Variants in SGMS1 observed in about 807,000 individuals in gnomAD.
The protein encoded by SGMS1 is phosphatidylcholine:ceramide cholinephosphotransferase 1.
Under a neutral mutation model 46.2 loss-of-function variants are expected in SGMS1, and 13 were observed. The ratio of observed to expected loss-of-function variants is 0.28; its 90% CI spans 0.18 to 0.45. The LOEUF is 0.45. Ranked by LOEUF, SGMS1 falls within the 20% of genes least tolerant of loss-of-function variation. The pLI, the probability that SGMS1 is intolerant of heterozygous loss-of-function variation, is 1.00. For synonymous variants in SGMS1, 203 were observed against 187.8 expected, an observed-to-expected ratio of 1.08 and a Z score of -0.66; for missense variants, 324 against 519.9, an observed-to-expected ratio of 0.62 and a Z score of 3.66.
chr10:50,430,809 A>G (rs571272539), intron 6 of SGMS1, among the ~76,000 whole-genome samples: 3 of 152,212 alleles, frequency 2.0e-5, no homozygotes, highest in South Asian at 4.1e-4. Flanking sequence ...TTGATTATCA[A>G]TTCCTAAAGT....
chr10:50,373,561 T>G (rs1439548785), intron 6 of SGMS1, among the ~76,000 whole-genome samples: 1 of 152,148 alleles, frequency 6.6e-6, no homozygotes, highest in Admixed American at 6.5e-5. Flanking sequence ...AACTGTAAGA[T>G]CAAACAATTT....
intron 3 of SGMS1, among the ~76,000 whole-genome samples, chr10:50,499,058 A>T (rs1021786484): frequency 1.3e-5 from 2 of 152,192 alleles, no homozygotes; most frequent in Non-Finnish European, 2.9e-5. Flanking sequence ...AATAGAATTA[A>T]ACTTTTGTCC....
At chr10:50,363,916 AAAAC>A (rs1367311371) in intron 6 of SGMS1, among the ~76,000 whole-genome samples, 2 of 152,138 alleles carry the variant, frequency 1.3e-5, no homozygotes, top group Admixed American at 6.5e-5. Context: ...ATGAAGATAA[AAAAC>A]AAACAAACTA....
intron 2 of SGMS1, among the ~76,000 whole-genome samples, chr10:50,558,444 C>A (rs1244768709): frequency 6.6e-6 from 1 of 152,134 alleles, no homozygotes; most frequent in African/African-American, 2.4e-5. Context: ...AAATTTCATG[C>A]CTGAAATATC....
chr10:50,476,197 T>C (rs1837425917), intron 3 of SGMS1, among the ~76,000 whole-genome samples: 1 of 142,622 alleles, frequency 7.0e-6, no homozygotes, highest in Non-Finnish European at 1.5e-5. Flanking sequence ...TCATTTGAAC[T>C]CAGGAGGCAT....
chr10:50,417,215 T>C (rs892313143), intron 6 of SGMS1, among the ~76,000 whole-genome samples: 5 of 152,150 alleles, frequency 3.3e-5, no homozygotes, highest in African/African-American at 1.2e-4. Flanking sequence ...AATAAGTTAC[T>C]TGGCATCATA....
At chr10:50,457,386 G>A (rs1186129667) in intron 5 of SGMS1, among the ~76,000 whole-genome samples, 1 of 151,030 alleles carries the variant, frequency 6.6e-6, no homozygotes, top group African/African-American at 2.4e-5. Flanking sequence ...TTTCCTTTTT[G>A]TTCTTACTTA....
At chr10:50,507,033 A>G (rs1172051497) in intron 3 of SGMS1, among the ~76,000 whole-genome samples, 1 of 152,194 alleles carries the variant, frequency 6.6e-6, no homozygotes, top group Admixed American at 6.5e-5. Flanking sequence ...GGAAACACAC[A>G]GCTGCTCTAG....
chr10:50,474,511 T>C (rs56040538), intron 3 of SGMS1, among the ~76,000 whole-genome samples: 3,609 of 152,256 alleles, frequency 0.024, 151 homozygotes, highest in African/African-American at 0.083. Flanking sequence ...GTGGAAAACA[T>C]TCTTCATTAC....
chr10:50,500,001 T>C (rs1162323023), intron 3 of SGMS1, among the ~76,000 whole-genome samples: 1 of 152,194 alleles, frequency 6.6e-6, no homozygotes, highest in Admixed American at 6.5e-5. Flanking sequence ...ATCCCGTCTC[T>C]ACTGAAAAAT....
rs762479337 is a variant in SGMS1, at chr10:50,360,366, T to TATCC, written c.-231-16025_-231-16022dup. On this transcript the variant is annotated intron_variant, in intron 6 of 10. Transcript: ENST00000361781. ...GTTCTATTATCTAGATTTCCTTCAATATCCATCCATCCAGGCTGCTGCAAA... is the reference window on the plus strand; with the variant it reads ...GTTCTATTATCTAGATTTCCTTCAATATCCATCCATCCATCCAGGCTGCTGCAAA... Among the ~76,000 whole-genome samples the TATCC allele has an allele frequency of 1.4e-4, 21 of 152,330 alleles. No homozygotes were observed. The East Asian group carries it at 3.1e-3, about 22-fold the overall frequency.
intron 1 of SGMS1, among the ~76,000 whole-genome samples, chr10:50,593,801 C>T (rs552455179): frequency 2.0e-5 from 3 of 152,300 alleles, no homozygotes; most frequent in East Asian, 3.9e-4. Context: ...TTTGTCACCA[C>T]GATACAGTTC....
At chr10:50,545,128 T>A (rs1000316713) in intron 2 of SGMS1, among the ~76,000 whole-genome samples, 1 of 152,080 alleles carries the variant, frequency 6.6e-6, no homozygotes, top group Admixed American at 6.6e-5. Context: ...ACAGAGAACA[T>A]CAGTAACCTA....
At chr10:50,454,138 G>A (rs1166178944) in intron 5 of SGMS1, among the ~76,000 whole-genome samples, 1 of 151,164 alleles carries the variant, frequency 6.6e-6, no homozygotes, top group African/African-American at 2.4e-5. Flanking sequence ...GGGGAATAGA[G>A]AGTCTGGGTA....
chr10:50,551,964 A>AT (rs752275844), intron 2 of SGMS1, among the ~76,000 whole-genome samples: 9 of 152,160 alleles, frequency 5.9e-5, no homozygotes, highest in Non-Finnish European at 1.3e-4. Flanking sequence ...AAAAGCTCAG[A>AT]TTTTTTAAGC....
At chr10:50,611,026 G>C (rs1838744867) in intron 1 of SGMS1, among the ~76,000 whole-genome samples, 1 of 152,158 alleles carries the variant, frequency 6.6e-6, no homozygotes, top group Non-Finnish European at 1.5e-5. Flanking sequence ...GAATAATAGG[G>C]ACAGGCTCTG....
intron 9 of SGMS1, among the ~76,000 whole-genome samples, chr10:50,308,741 A>G (rs1847212364): frequency 6.6e-6 from 1 of 152,154 alleles, no homozygotes; most frequent in East Asian, 1.9e-4. Flanking sequence ...CTGTATCCCC[A>G]TTTGGGAAAT....
At chr10:50,442,460 T>C (rs1849558429) in intron 5 of SGMS1, among the ~76,000 whole-genome samples, 1 of 152,158 alleles carries the variant, frequency 6.6e-6, no homozygotes. Flanking sequence ...GTTCCCACAT[T>C]AGTTTGCTAA....
At chr10:50,438,428 G>A (rs1377673975) in intron 5 of SGMS1, among the ~76,000 whole-genome samples, 1 of 152,172 alleles carries the variant, frequency 6.6e-6, no homozygotes, top group Non-Finnish European at 1.5e-5. Context: ...CAAGGCTCTA[G>A]TTAGAGAGCC....
Sources: gnomAD v4.1 joint callset for allele counts (sites outside exome capture counted in the v4.1 genomes callset) on GRCh38, gnomAD v4.1.1 for gene constraint, MANE v1.5 for transcripts, NCBI Gene and HGNC (gene_info 2026-07-23, HGNC 2026-07-21) for gene names.